Variants in CPAMD8 observed in about 807,000 individuals in gnomAD.
CPAMD8 encodes the protein C3 and PZP like alpha-2-macroglobulin domain containing 8.
A neutral mutation model predicts 224.7 loss-of-function variants in CPAMD8; 146 were observed. That is an observed-to-expected ratio of 0.65 (90% CI 0.57 to 0.75). The LOEUF is 0.75. Among genes scored for constraint, CPAMD8 ranks in the 30% least tolerant of loss-of-function variants. CPAMD8 has a pLI of 0.00. For synonymous variants in CPAMD8, 966 were observed against 1,044.6 expected (o/e 0.92, Z 1.45); for missense variants, 2,301 against 2,537.5 (o/e 0.91, Z 2.00).
chr19:16,896,925 G>T (rs1599642868), intron 39 of CPAMD8: 1 of 352,484 alleles, frequency 2.8e-6, no homozygotes, highest in East Asian at 4.3e-5. Context: ...GTCCTGTCTG[G>T]GCCGCCCTGC....
chr19:16,910,318 C>T (rs1030727519), intron 29 of CPAMD8, among the ~76,000 whole-genome samples: 16 of 151,596 alleles, frequency 1.1e-4, no homozygotes, highest in African/African-American at 2.9e-4. Context: ...TACAGGCATG[C>T]GCCATCACAC....
chr19:16,971,006 G>T lies in CPAMD8; in HGVS notation c.2098C>A (p.Arg700=). The change falls in exon 18 of 42, where the codon CGA becomes AGA. Residue 700 remains arginine (R), a synonymous_variant. Transcript: ENST00000443236. The part of the protein sequence containing the change: ...TETGLVVMTD[R]VSLNHRQDGG... ...TCCTGCCGGTGGTTCAGGCTCACTC[G>T]GTCGGTCATCACCACCAGTCCCGTT... 6.2e-7 allele frequency: 1 copy of T among 1,611,018 alleles called. No individual in the cohort carries two copies. Among genetic ancestry groups the T allele is most frequent in the Non-Finnish European group, 8.5e-7 (1 of 1,178,586 alleles).
Position 16,977,554 on chromosome 19 carries a change from A to T in CPAMD8, c.1586-14T>A, listed in dbSNP as rs1380930117. ...CTGGTGGGGGCTCTGAGGTGAGCAA[A>T]AGTAGAGAGAGGTGGTGAATTCTCC... On this transcript the variant is annotated splice_polypyrimidine_tract_variant and intron_variant, in intron 14 of 41. Coordinates refer to ENST00000443236, the MANE Select transcript of CPAMD8 (RefSeq NM_015692.5). The T allele has an allele frequency of 2.6e-5, 40 of 1,563,280 alleles. 1 individual carries two copies. In the East Asian group the frequency reaches 9.2e-4, roughly 36 times the overall value.
At position 16,914,761 on chromosome 19, in the gene CPAMD8, C is replaced by T. The variant is rs374087739; in HGVS notation, c.3682G>A (p.Val1228Met). 1.3e-4 allele frequency: 215 copies of T among 1,614,020 alleles called. No individual in the cohort carries two copies. Among genetic ancestry groups the T allele is most frequent in the East Asian group, 1.6e-4 (7 of 44,876 alleles). Residue 1228 changes from valine (V) to methionine (M), a missense_variant, in exon 28 of 42, where the codon GTG becomes ATG. By Grantham distance (21) the Val-to-Met change is conservative. Coordinates refer to ENST00000443236, the MANE Select transcript of CPAMD8 (RefSeq NM_015692.5). ...GCGGCAGCCAGCTCCCGGGGGTCCA[C>T]GAAGATAAAGCTGCGAGCCTGTGCG... is the stretch of plus-strand genomic sequence containing the variant. ...SFAQARSFIF[V>M]DPRELAAAKS...
At chr19:16,962,574 CCTGAAAG>C in intron 18 of CPAMD8, among the ~76,000 whole-genome samples, 1 of 152,234 alleles carries the variant, frequency 6.6e-6, no homozygotes, top group East Asian at 1.9e-4. Flanking sequence ...GATTGGTGTA[CCTGAAAG>C]TGATGGGGAG....
chr19:16,910,468 CT>C (rs35578232), intron 29 of CPAMD8: 134,342 of 142,786 alleles, frequency 0.94, 63,315 homozygotes, highest in East Asian at 0.99. Context: ...CTGGGCCCGC[CT>C]TTTTTTTTTT....
At chr19:17,004,185 C>CG in intron 8 of CPAMD8, 88 bp downstream of exon 8, 1 of 867,562 alleles carries the variant, frequency 1.2e-6, no homozygotes, top group South Asian at 1.5e-5. Flanking sequence ...GGATTACAGG[C>CG]GAGAGCCCTT....
chr19:16,917,461 TC>T (rs768641615), intron 27 of CPAMD8, among the ~76,000 whole-genome samples: 21 of 151,872 alleles, frequency 1.4e-4, no homozygotes, highest in Non-Finnish European at 2.8e-4. Context: ...AAAAGTAAGA[TC>T]TATGGCCGGG....
At position 16,903,392 on chromosome 19, in the gene CPAMD8, A is replaced by G. The variant is rs372248414; in HGVS notation, c.4470+169T>C. On this transcript the variant is annotated intron_variant, in intron 34 of 41. Coordinates refer to ENST00000443236, the MANE Select transcript of CPAMD8 (RefSeq NM_015692.5). Reference sequence around the variant, plus strand: ...GGGGGTGGCACACCTGAGAGGACCCATGGCCACCTGCCTTGGGCAGTATTA... The same window carrying G: ...GGGGGTGGCACACCTGAGAGGACCCGTGGCCACCTGCCTTGGGCAGTATTA... Among the ~76,000 whole-genome samples, 6 of 152,100 alleles carry G rather than the reference A, an allele frequency of 3.9e-5. No individual in the cohort carries two copies. In the East Asian group the frequency reaches 1.2e-3, roughly 30 times the overall value.
chr19:17,000,688 C>T (rs575374758), intron 9 of CPAMD8, among the ~76,000 whole-genome samples, 166 bp from the exon 10 acceptor site: 3 of 152,268 alleles, frequency 2.0e-5, no homozygotes, highest in South Asian at 2.1e-4. Context: ...AGCCTGGAAT[C>T]GGGACAGAAG....
intron 21 of CPAMD8, among the ~76,000 whole-genome samples, chr19:16,945,990 TG>T (rs2054064183): frequency 6.6e-6 from 1 of 152,176 alleles, no homozygotes; most frequent in Non-Finnish European, 1.5e-5. Context: ...TGTACAAATA[TG>T]TGTGTGCATA....
chr19:16,974,997 C>T, intron 17 of CPAMD8, 100 bp downstream of exon 17: 14 of 1,436,030 alleles, frequency 9.7e-6, no homozygotes, highest in Non-Finnish European at 1.3e-5. Flanking sequence ...GAAAAGCTTC[C>T]AATTCTGTTT....
At chr19:16,971,750 G>A (rs543821517) in intron 17 of CPAMD8, among the ~76,000 whole-genome samples, 23 of 152,150 alleles carry the variant, frequency 1.5e-4, no homozygotes, top group South Asian at 6.2e-4. Context: ...ATTTCATCTC[G>A]ATTAGAAAAA....
At chr19:16,948,591 C>T (rs1002907482) in intron 20 of CPAMD8, among the ~76,000 whole-genome samples, 23 of 151,570 alleles carry the variant, frequency 1.5e-4, no homozygotes, top group Non-Finnish European at 2.4e-4. Flanking sequence ...TACTAAAGAC[C>T]AGGCGTAGTG....
chr19:16,996,129 G>A (rs915232172), intron 11 of CPAMD8, among the ~76,000 whole-genome samples: 5 of 152,078 alleles, frequency 3.3e-5, no homozygotes, highest in African/African-American at 9.7e-5. Context: ...CAGCCTGGGC[G>A]ACAGAGCGAG....
chr19:16,974,203 C>G (rs1389102800), intron 17 of CPAMD8, among the ~76,000 whole-genome samples: 1 of 151,820 alleles, frequency 6.6e-6, no homozygotes, highest in African/African-American at 2.4e-5. Context: ...GCAATCTTGG[C>G]TCACTGCAAG....
intron 6 of CPAMD8, 112 bp downstream of exon 6, chr19:17,009,191 G>A: frequency 1.9e-6 from 3 of 1,579,838 alleles, no homozygotes; most frequent in Middle Eastern, 1.8e-4. Context: ...GCCTTGTAAG[G>A]CACAGCGGCT....
intron 3 of CPAMD8, among the ~76,000 whole-genome samples, chr19:17,014,677 G>A (rs1464975647): frequency 2.0e-5 from 3 of 152,264 alleles, no homozygotes; most frequent in East Asian, 3.9e-4. Context: ...CAGCTCTTGT[G>A]AGACTTATTC....
At chr19:17,020,397 G>C (rs1055017038) in intron 2 of CPAMD8, 44 bp from the exon 3 acceptor site, 2 of 1,429,894 alleles carry the variant, frequency 1.4e-6, no homozygotes, top group Non-Finnish European at 2.0e-6. Flanking sequence ...CAAGAGCTGT[G>C]TTGCCCTGCC....
Sources: gnomAD v4.1 joint callset for allele counts (sites outside exome capture counted in the v4.1 genomes callset) on GRCh38, gnomAD v4.1.1 for gene constraint, MANE v1.5 for transcripts, NCBI Gene and HGNC (gene_info 2026-07-23, HGNC 2026-07-21) for gene names.